IFT88: variants seen among roughly 807,000 people sequenced by gnomAD.
IFT88 encodes intraflagellar transport 88.
IFT88 carries 74 observed loss-of-function variants against 119.5 expected under a neutral mutation model. That is an observed-to-expected ratio of 0.62 (90% CI 0.51 to 0.75). The LOEUF is 0.75. Ranked by LOEUF, IFT88 falls within the 30% of genes least tolerant of loss-of-function variation. The probability of loss-of-function intolerance (pLI) is 0.00; values close to 1 mark genes in which losing one functional copy is unlikely to be tolerated. For missense variants in IFT88, 961 were observed against 977.7 expected (o/e 0.98, Z 0.23); for synonymous variants, 279 against 316.7 (o/e 0.88, Z 1.26).
chr13:20,580,654 C>T (rs113684663), intron 2 of IFT88, among the ~76,000 whole-genome samples: 124 of 151,434 alleles, frequency 8.2e-4, no homozygotes, highest in African/African-American at 2.9e-3. Flanking sequence ...ATGTTTTGAT[C>T]AAACACTACC....
intron 6 of IFT88, 69 bp downstream of exon 6, chr13:20,591,750 A>G: frequency 3.1e-6 from 3 of 969,366 alleles, no homozygotes; most frequent in Non-Finnish European, 4.8e-6. Context: ...TGTGATATAA[A>G]TATTACTGTC....
intron 12 of IFT88, among the ~76,000 whole-genome samples, chr13:20,602,482 G>C (rs2042764431): frequency 6.6e-6 from 1 of 152,138 alleles, no homozygotes; most frequent in Non-Finnish European, 1.5e-5. Context: ...TGGGATTACA[G>C]GTATGAGCCT....
chr13:20,607,681 C>T (rs969650182), intron 13 of IFT88: 4 of 871,358 alleles, frequency 4.6e-6, no homozygotes, highest in South Asian at 2.6e-5. Context: ...TGGTCAGCAG[C>T]GACTTGACTA....
intron 9 of IFT88, among the ~76,000 whole-genome samples, chr13:20,597,888 G>A (rs757516228): frequency 6.6e-6 from 1 of 151,642 alleles, no homozygotes; most frequent in Non-Finnish European, 1.5e-5. Context: ...TTGTAATGTA[G>A]ACTTTTCGGT....
chr13:20,580,724 CTTTT>C (rs1162699940), intron 2 of IFT88, among the ~76,000 whole-genome samples: 2 of 122,740 alleles, frequency 1.6e-5, no homozygotes, highest in Non-Finnish European at 1.7e-5. Flanking sequence ...TTTCTTTTTT[CTTTT>C]TTTTTTTTTT....
chr13:20,649,545 G>T (rs1385860554), intron 20 of IFT88, among the ~76,000 whole-genome samples: 1 of 152,040 alleles, frequency 6.6e-6, no homozygotes, highest in South Asian at 2.1e-4. Context: ...TAAAGAAGAA[G>T]AAAGATCCCA....
At chr13:20,613,418 TAAAA>T (rs1555271530) in intron 13 of IFT88, among the ~76,000 whole-genome samples, 1 of 146,660 alleles carries the variant, frequency 6.8e-6, no homozygotes, top group Non-Finnish European at 1.5e-5. Flanking sequence ...TATGCTATAA[TAAAA>T]AAGAAAATAA....
chr13:20,639,011 G>A (rs529450964), intron 17 of IFT88, among the ~76,000 whole-genome samples: 2 of 152,238 alleles, frequency 1.3e-5, no homozygotes, highest in African/African-American at 2.4e-5. Flanking sequence ...AATACTACAA[G>A]CCATGAAGTC....
At chr13:20,569,166 T>C (rs974901490) in intron 1 of IFT88, among the ~76,000 whole-genome samples, 1 of 152,104 alleles carries the variant, frequency 6.6e-6, no homozygotes, top group African/African-American at 2.4e-5. Context: ...CTAAAACTGT[T>C]AGAAAAAAAG....
chr13:20,582,842 A>G (rs541498172), intron 2 of IFT88, 115 bp from the exon 3 acceptor site: 214 of 724,736 alleles, frequency 3.0e-4, no homozygotes, highest in African/African-American at 4.2e-4. Context: ...CTAGATGTCA[A>G]CAGTTGGCAA....
At chr13:20,590,444 T>A (rs923406429) in intron 4 of IFT88, among the ~76,000 whole-genome samples, 8 of 152,238 alleles carry the variant, frequency 5.3e-5, no homozygotes, top group Admixed American at 1.3e-4. Flanking sequence ...GTCAAAAAAA[T>A]ATCTTCAGAA....
intron 19 of IFT88, among the ~76,000 whole-genome samples, chr13:20,643,879 G>A (rs1473143744): frequency 6.6e-6 from 1 of 151,986 alleles, no homozygotes; most frequent in South Asian, 2.1e-4. Context: ...TCAGCCTTCC[G>A]AGTAGCTGGG....
At chr13:20,591,174 C>T (rs980698920) in intron 5 of IFT88, among the ~76,000 whole-genome samples, 154 bp downstream of exon 5, 2 of 152,168 alleles carry the variant, frequency 1.3e-5, no homozygotes, top group African/African-American at 2.4e-5. Context: ...CTAAAGTCTA[C>T]ACTGTTGTAA....
intron 1 of IFT88, among the ~76,000 whole-genome samples, chr13:20,571,550 C>T (rs1369364281): frequency 6.6e-6 from 1 of 152,050 alleles, no homozygotes; most frequent in African/African-American, 2.4e-5. Context: ...AATTTCATTT[C>T]TCCCATGCTT....
chr13:20,577,071 A>G (rs2037529040), intron 2 of IFT88, among the ~76,000 whole-genome samples: 1 of 151,952 alleles, frequency 6.6e-6, no homozygotes, highest in Non-Finnish European at 1.5e-5. Context: ...CATTGTAGAT[A>G]TTTTCACTTC....
At chr13:20,579,567 G>A (rs2038134254) in intron 2 of IFT88, among the ~76,000 whole-genome samples, 1 of 152,172 alleles carries the variant, frequency 6.6e-6, no homozygotes, top group South Asian at 2.1e-4. Flanking sequence ...TCTGGCTCAG[G>A]GTAGGTCCAG....
At chr13:20,627,666 A>C (rs1305501305) in intron 15 of IFT88, among the ~76,000 whole-genome samples, 3 of 148,412 alleles carry the variant, frequency 2.0e-5, no homozygotes, top group Non-Finnish European at 4.5e-5. Flanking sequence ...AGGAGGCAGA[A>C]GTTGCAATGA....
At chr13:20,592,258 C>A (rs1047270277) in intron 6 of IFT88, 77 bp from the exon 7 acceptor site, 7 of 1,047,688 alleles carry the variant, frequency 6.7e-6, no homozygotes, top group African/African-American at 6.5e-5. Context: ...ATAGCTTATG[C>A]GAGGTTTTAT....
intron 1 of IFT88, among the ~76,000 whole-genome samples, chr13:20,570,058 CA>C (rs977189516): frequency 1.3e-4 from 20 of 149,542 alleles, no homozygotes; most frequent in Non-Finnish European, 2.7e-4. Context: ...AAAAAATGAG[CA>C]AAAGATCTGA....
Sources: gnomAD v4.1 joint callset for allele counts (sites outside exome capture counted in the v4.1 genomes callset) on GRCh38, gnomAD v4.1.1 for gene constraint, MANE v1.5 for transcripts, NCBI Gene and HGNC (gene_info 2026-07-23, HGNC 2026-07-21) for gene names.